Variants in SPHKAP observed in about 807,000 individuals in gnomAD.
SPHKAP encodes A-kinase anchor protein SPHKAP.
A neutral mutation model predicts 137.5 loss-of-function variants in SPHKAP; 67 were observed. That is an observed-to-expected ratio of 0.49 (90% CI 0.40 to 0.60). The LOEUF is 0.60. SPHKAP is among the 20% of genes least tolerant of loss of function. The probability of loss-of-function intolerance (pLI) is 0.00; values close to 1 mark genes in which losing one functional copy is unlikely to be tolerated. For missense variants in SPHKAP, 2,097 were observed against 2,069.3 expected, an observed-to-expected ratio of 1.01 and a Z score of -0.26; for synonymous variants, 813 against 785.3, an observed-to-expected ratio of 1.04 and a Z score of -0.59.
At chr2:228,149,881 T>C (rs562169966) in intron 1 of SPHKAP, among the ~76,000 whole-genome samples, 1 of 152,214 alleles carries the variant, frequency 6.6e-6, no homozygotes, top group Non-Finnish European at 1.5e-5. Flanking sequence ...AAACTGGAAA[T>C]GCTCAGATTT....
chr2:228,039,751 G>C (rs954307638), intron 3 of SPHKAP, among the ~76,000 whole-genome samples: 1 of 152,128 alleles, frequency 6.6e-6, no homozygotes, highest in Non-Finnish European at 1.5e-5. Context: ...CAAAATCAGT[G>C]CTTTTATATA....
In SPHKAP at chr2:228,017,861, G is replaced by C; in HGVS notation, c.2993C>G (p.Pro998Arg). 6.2e-7 allele frequency: 1 copy of C among 1,613,982 alleles called. No homozygotes were observed. The highest frequency in any genetic ancestry group is 8.5e-7 in the Non-Finnish European group (1 of 1,179,986). ...CTTCCTCTTGATCTCACTGAGCCGG[G>C]GAGGCTTGTGTTTCCTCACAGCGGT... The part of the protein sequence containing the change: ...SGTAVRKHKP[P>R]RLSEIKRKTD... Residue 998 changes from proline (P) to arginine (R), a missense_variant, in exon 7 of 12, where the codon CCC becomes CGC. Physicochemically the swap from Pro to Arg is moderately radical, Grantham distance 103 (BLOSUM62 -2). Coordinates refer to ENST00000392056, the MANE Select transcript of SPHKAP (RefSeq NM_001142644.2).
Position 228,016,621 on chromosome 2 carries a change from A to T in SPHKAP, c.4233T>A (p.Pro1411=), listed in dbSNP as rs780067739. The T allele has an allele frequency of 2.5e-6, 4 of 1,613,942 alleles. No homozygotes were observed. The highest frequency in any genetic ancestry group is 2.5e-6 in the Non-Finnish European group (3 of 1,179,976). ...SKKETSSCQD[P]VPINHKRRSL... is the part of the protein sequence containing the mutation. ...ATCGCCTTTTGTGGTTTATTGGTAC[A>T]GGGTCCTGGCACGAGGAAGTTTCTT... The change falls in exon 7 of 12, where the codon CCT becomes CCA. Residue 1411 remains proline, a synonymous_variant. Transcript: ENST00000392056.
intron 2 of SPHKAP, among the ~76,000 whole-genome samples, chr2:228,112,353 C>T (rs1224790437): frequency 1.3e-5 from 2 of 152,146 alleles, no homozygotes; most frequent in Non-Finnish European, 2.9e-5. Flanking sequence ...AGAATCACTT[C>T]TTAGTCATTC....
intron 1 of SPHKAP, among the ~76,000 whole-genome samples, chr2:228,159,472 C>A (rs542050459): frequency 3.3e-5 from 5 of 152,160 alleles, no homozygotes; most frequent in African/African-American, 1.2e-4. Flanking sequence ...GGCTCCTACC[C>A]TCCCACAGAA....
intron 7 of SPHKAP, among the ~76,000 whole-genome samples, chr2:228,001,939 T>A (rs1296064834): frequency 6.6e-6 from 1 of 152,234 alleles, no homozygotes; most frequent in East Asian, 1.9e-4. Context: ...ATAGTGTATA[T>A]GTGCCACATT....
At chr2:228,061,958 C>T (rs933241224) in intron 3 of SPHKAP, among the ~76,000 whole-genome samples, 1 of 151,998 alleles carries the variant, frequency 6.6e-6, no homozygotes, top group South Asian at 2.1e-4. Context: ...CTGGTACCCT[C>T]AGTTTAAAAT....
intron 1 of SPHKAP, among the ~76,000 whole-genome samples, chr2:228,136,692 C>T (rs12105950): frequency 0.34 from 52,009 of 151,986 alleles, 9,173 homozygotes; most frequent in East Asian, 0.5. Context: ...TGCATATTGA[C>T]ATTAAACTCA....
intron 5 of SPHKAP, among the ~76,000 whole-genome samples, chr2:228,024,275 G>C (rs916745330): frequency 6.6e-6 from 1 of 151,440 alleles, no homozygotes; most frequent in Non-Finnish European, 1.5e-5. Context: ...TTGAAAGAAA[G>C]CTGGAATTTC....
At chr2:228,043,047 A>C (rs1695910582) in intron 3 of SPHKAP, among the ~76,000 whole-genome samples, 1 of 152,202 alleles carries the variant, frequency 6.6e-6, no homozygotes, top group South Asian at 2.1e-4. Context: ...TTTAAAACGG[A>C]AATATAGACA....
Position 228,057,761 on chromosome 2 carries a change from C to G in SPHKAP, c.247-30218G>C, listed in dbSNP as rs542748917. On this transcript the variant is annotated intron_variant, in intron 3 of 11. Transcript: ENST00000392056. ...AACAGAAGAATGGTGGATATTGAGG[C>G]CAGTGGGATGAACAGGTTTCAGATT... Among the ~76,000 whole-genome samples, 8 of 152,126 alleles carry G rather than the reference C, an allele frequency of 5.3e-5. No homozygotes were observed. The East Asian group carries it at 1.5e-3, about 29-fold the overall frequency.
chr2:228,067,404 C>T (rs1459461526), intron 3 of SPHKAP, among the ~76,000 whole-genome samples: 1 of 152,188 alleles, frequency 6.6e-6, no homozygotes, highest in African/African-American at 2.4e-5. Flanking sequence ...TATAGGCTAC[C>T]TATACTGAGC....
intron 2 of SPHKAP, among the ~76,000 whole-genome samples, chr2:228,125,924 A>G (rs890052997): frequency 7.2e-5 from 11 of 152,158 alleles, no homozygotes; most frequent in African/African-American, 2.4e-4. Context: ...TAAAAATACA[A>G]AAAGAATTAG....
At chr2:227,988,022 T>C (rs1239072075) in intron 11 of SPHKAP, among the ~76,000 whole-genome samples, 4 of 152,222 alleles carry the variant, frequency 2.6e-5, no homozygotes. Context: ...GAGACACTGC[T>C]GTTCTCGTAT....
intron 1 of SPHKAP, among the ~76,000 whole-genome samples, chr2:228,173,712 A>G (rs1700654795): frequency 6.6e-6 from 1 of 152,228 alleles, no homozygotes; most frequent in African/African-American, 2.4e-5. Context: ...AGTGAGATCC[A>G]TGTCAGACTT....
At chr2:228,128,451 A>G (rs1699144224) in intron 2 of SPHKAP, among the ~76,000 whole-genome samples, 1 of 152,126 alleles carries the variant, frequency 6.6e-6, no homozygotes, top group Non-Finnish European at 1.5e-5. Context: ...AACCACATGC[A>G]TTGAACCCTT....
At chr2:228,049,349 T>C (rs950598610) in intron 3 of SPHKAP, among the ~76,000 whole-genome samples, 1 of 152,224 alleles carries the variant, frequency 6.6e-6, no homozygotes, top group Non-Finnish European at 1.5e-5. Context: ...ATGAAAAATA[T>C]CTGCCTTCTG....
At chr2:228,056,069 C>A (rs746075205) in intron 3 of SPHKAP, among the ~76,000 whole-genome samples, 1 of 152,204 alleles carries the variant, frequency 6.6e-6, no homozygotes, top group South Asian at 2.1e-4. Context: ...ATCTTTCAGA[C>A]CTTCTCTTAA....
Position 228,052,981 on chromosome 2 carries a change from C to T in SPHKAP, c.247-25438G>A, listed in dbSNP as rs545191181. ...GAGCTAATCTGTTCAGGCTGCCATA[C>T]AAAATATAATATATTAGATGAGCGG... On this transcript the variant is annotated intron_variant, in intron 3 of 11. Coordinates refer to ENST00000392056, the MANE Select transcript of SPHKAP (RefSeq NM_001142644.2). Among the ~76,000 whole-genome samples the T allele has an allele frequency of 6.6e-5, 10 of 152,206 alleles. No individual in the cohort carries two copies. In the South Asian group the frequency reaches 2.1e-3, roughly 32 times the overall value.
Sources: allele counts gnomAD v4.1 joint callset (sites outside exome capture counted in the v4.1 genomes callset), GRCh38; gene constraint gnomAD v4.1.1; transcripts MANE v1.5; gene names NCBI Gene and HGNC (gene_info 2026-07-23, HGNC 2026-07-21).